Variants in SLC44A5 observed in about 807,000 individuals in gnomAD.
The protein encoded by SLC44A5 is choline transporter-like protein 5.
Under a neutral mutation model 101.8 loss-of-function variants are expected in SLC44A5, and 57 were observed. That is an observed-to-expected ratio of 0.56 (90% confidence interval 0.45 to 0.70). SLC44A5 has a LOEUF of 0.70. Among genes scored for constraint, SLC44A5 ranks in the 30% least tolerant of loss-of-function variants. The probability of loss-of-function intolerance (pLI) is 0.00; values close to 1 mark genes in which losing one functional copy is unlikely to be tolerated. For missense variants in SLC44A5, 737 were observed against 853.1 expected (o/e 0.86, Z 1.70); for synonymous variants, 281 against 290.9 (o/e 0.97, Z 0.35).
intron 4 of SLC44A5, among the ~76,000 whole-genome samples, chr1:75,323,555 T>G (rs566942428): frequency 2.4e-4 from 36 of 152,310 alleles, no homozygotes; most frequent in Admixed American, 1.4e-3. Context: ...GTTGAACTAG[T>G]TTACAGTCCC....
chr1:75,547,959 T>C (rs1284796071), intron 1 of SLC44A5, among the ~76,000 whole-genome samples: 2 of 152,212 alleles, frequency 1.3e-5, no homozygotes. Flanking sequence ...CTCAGTTTTT[T>C]AGGGATGGGC....
At chr1:75,210,145 C>T (rs534156274) in intron 23 of SLC44A5, among the ~76,000 whole-genome samples, 2 of 152,156 alleles carry the variant, frequency 1.3e-5, no homozygotes, top group Admixed American at 1.3e-4. Context: ...CTCCTGGGCC[C>T]AGGTGATCCT....
intron 4 of SLC44A5, among the ~76,000 whole-genome samples, chr1:75,304,862 T>C (rs970223165): frequency 2.6e-5 from 4 of 152,132 alleles, no homozygotes; most frequent in African/African-American, 4.8e-5. Flanking sequence ...ACAGAAAGAA[T>C]AGTTACAGAG....
intron 2 of SLC44A5, among the ~76,000 whole-genome samples, chr1:75,434,416 TC>T (rs964128081): frequency 6.6e-6 from 1 of 152,176 alleles, no homozygotes; most frequent in African/African-American, 2.4e-5. Flanking sequence ...ACCCATTTTT[TC>T]ATATTAATAG....
the SLC44A5 span, among the ~76,000 whole-genome samples, chr1:75,632,629 T>C: frequency 6.6e-6 from 1 of 152,118 alleles, no homozygotes; most frequent in African/African-American, 2.4e-5. Context: ...CCTGAAATTG[T>C]TTTTCAAGAG....
chr1:75,235,364 G>A (rs1647980014), intron 11 of SLC44A5, among the ~76,000 whole-genome samples: 1 of 151,954 alleles, frequency 6.6e-6, no homozygotes. Flanking sequence ...TATGAGTGGT[G>A]CCTGGGTGGA....
the SLC44A5 span, among the ~76,000 whole-genome samples, chr1:75,623,290 C>A: frequency 6.6e-6 from 1 of 151,952 alleles, no homozygotes; most frequent in Non-Finnish European, 1.5e-5. Flanking sequence ...AAGGAAGATT[C>A]CTCTAAGAAT....
Position 75,228,844 on chromosome 1 carries a change from A to G in SLC44A5, c.854-987T>C, listed in dbSNP as rs188861476. 1.8e-3 allele frequency among the ~76,000 whole-genome samples: 277 copies of G among 151,892 alleles called. 4 individuals carry two copies. Among genetic ancestry groups the G allele is most frequent in the Non-Finnish European group, 3.7e-4 (25 of 67,898 alleles). On this transcript the variant is annotated intron_variant, in intron 12 of 23. Coordinates refer to ENST00000370859, the MANE Select transcript of SLC44A5 (RefSeq NM_001130058.2). ...AATCACCCACTCTAATTATTGCTCA[A>G]TAATTTTGTTATGTACATTTTAAAT... is the stretch of plus-strand genomic sequence containing the variant.
intron 4 of SLC44A5, among the ~76,000 whole-genome samples, chr1:75,332,493 C>A (rs1304672709): frequency 6.6e-6 from 1 of 151,922 alleles, no homozygotes; most frequent in Non-Finnish European, 1.5e-5. Context: ...TCTTTATACA[C>A]AAAAGAGTAT....
intron 5 of SLC44A5, among the ~76,000 whole-genome samples, chr1:75,290,004 T>C (rs1023165284): frequency 2.6e-5 from 4 of 152,308 alleles, no homozygotes; most frequent in African/African-American, 9.6e-5. Flanking sequence ...TAGAGGTAGT[T>C]TTCAATAATC....
At chr1:75,641,021 C>G in the SLC44A5 span, among the ~76,000 whole-genome samples, 1 of 151,998 alleles carries the variant, frequency 6.6e-6, no homozygotes, top group East Asian at 1.9e-4. Context: ...TACAGTAGAA[C>G]CCATAAGTTG....
chr1:75,646,296 C>T, the SLC44A5 span, among the ~76,000 whole-genome samples: 4 of 148,978 alleles, frequency 2.7e-5, no homozygotes, highest in East Asian at 4.3e-4. Flanking sequence ...TTTGTATCCT[C>T]TTTTATTTCA....
At chr1:75,660,215 A>G in the SLC44A5 span, among the ~76,000 whole-genome samples, 9 of 152,220 alleles carry the variant, frequency 5.9e-5, no homozygotes, top group African/African-American at 2.2e-4. Flanking sequence ...CAGAAAAAAA[A>G]GAATCAAGAA....
At chr1:75,613,145 G>C (rs1186177202), upstream of SLC44A5, among the ~76,000 whole-genome samples, 1 of 152,184 alleles carries the variant, frequency 6.6e-6, no homozygotes, top group Non-Finnish European at 1.5e-5. Flanking sequence ...CACAAGATCC[G>C]ACGAATGATC....
chr1:75,569,641 T>C (rs1672970231), intron 1 of SLC44A5, among the ~76,000 whole-genome samples: 1 of 151,882 alleles, frequency 6.6e-6, no homozygotes, highest in Non-Finnish European at 1.5e-5. Context: ...TAACTCATTA[T>C]TCTACTCTCC....
At chr1:75,665,786 C>A in the SLC44A5 span, among the ~76,000 whole-genome samples, 1 of 152,062 alleles carries the variant, frequency 6.6e-6, no homozygotes, top group African/African-American at 2.4e-5. Flanking sequence ...AAATAAATAA[C>A]CCCATTTAGA....
chr1:75,494,940 G>A (rs1262472564), intron 2 of SLC44A5, among the ~76,000 whole-genome samples: 3 of 152,074 alleles, frequency 2.0e-5, no homozygotes, highest in African/African-American at 4.8e-5. Context: ...ATGAAACTTG[G>A]TAAACTTCAG....
intron 15 of SLC44A5, 87 bp downstream of exon 15, chr1:75,219,713 A>T: frequency 1.2e-6 from 1 of 825,496 alleles, no homozygotes; most frequent in Non-Finnish European, 2.0e-6. Context: ...TCATCTTCCC[A>T]GGGATAGAAA....
At chr1:75,262,011 A>G (rs1375325370) in intron 6 of SLC44A5, among the ~76,000 whole-genome samples, 1 of 151,662 alleles carries the variant, frequency 6.6e-6, no homozygotes, top group Non-Finnish European at 1.5e-5. Flanking sequence ...AGAGCTATTC[A>G]TGACAAACCC....
Sources: allele counts gnomAD v4.1 joint callset (sites outside exome capture counted in the v4.1 genomes callset), GRCh38; gene constraint gnomAD v4.1.1; transcripts MANE v1.5; gene names NCBI Gene and HGNC (gene_info 2026-07-23, HGNC 2026-07-21).